ZNF521: variants seen among roughly 807,000 people sequenced by gnomAD.
ZNF521 encodes zinc finger protein 521.
Under a neutral mutation model 105.5 loss-of-function variants are expected in ZNF521, and 14 were observed. The ratio of observed to expected loss-of-function variants is 0.13; its 90% CI spans 0.09 to 0.21. The LOEUF (loss-of-function observed/expected upper bound fraction) is 0.21. Among genes scored for constraint, ZNF521 ranks in the 10% least tolerant of loss-of-function variants. The pLI is 1.00. For synonymous variants in ZNF521, 635 were observed against 606.0 expected (o/e 1.05, Z -0.70); for missense variants, 1,233 against 1,629.7 (o/e 0.76, Z 4.19).
chr18:25,254,883 A>C (rs971500258), intron 3 of ZNF521, among the ~76,000 whole-genome samples: 2 of 151,528 alleles, frequency 1.3e-5, no homozygotes, highest in Non-Finnish European at 3.0e-5. Flanking sequence ...CCTAAGAAAG[A>C]GTCTGAAAAA....
intron 5 of ZNF521, among the ~76,000 whole-genome samples, chr18:25,175,814 C>G (rs950879930): frequency 3.9e-5 from 6 of 152,200 alleles, no homozygotes; most frequent in African/African-American, 1.4e-4. Flanking sequence ...ATGGTCAATT[C>G]AGACATGCCA....
At chr18:25,193,519 G>C (rs1047292517) in intron 5 of ZNF521, among the ~76,000 whole-genome samples, 2 of 152,002 alleles carry the variant, frequency 1.3e-5, no homozygotes, top group African/African-American at 4.8e-5. Context: ...GTAGAATCAT[G>C]AATGACTGCC....
At chr18:25,181,501 C>T (rs1291077994) in intron 5 of ZNF521, among the ~76,000 whole-genome samples, 1 of 152,134 alleles carries the variant, frequency 6.6e-6, no homozygotes, top group East Asian at 1.9e-4. Context: ...CAACAAGCTG[C>T]CCCACTACAG....
chr18:25,131,831 C>T (rs1017683598), intron 5 of ZNF521, among the ~76,000 whole-genome samples: 2 of 152,130 alleles, frequency 1.3e-5, no homozygotes, highest in African/African-American at 2.4e-5. Flanking sequence ...CTTGATTATA[C>T]ACCAGAGGAT....
chr18:25,176,981 C>T (rs1381497740), intron 5 of ZNF521, among the ~76,000 whole-genome samples: 5 of 152,232 alleles, frequency 3.3e-5, no homozygotes, highest in Admixed American at 3.3e-4. Context: ...GCCCCCTTCT[C>T]CTTCTGCCTA....
At chr18:25,282,992 C>T in intron 3 of ZNF521, among the ~76,000 whole-genome samples, 1 of 152,174 alleles carries the variant, frequency 6.6e-6, no homozygotes, top group Non-Finnish European at 1.5e-5. Context: ...ATGCTTTCCT[C>T]CAATGCATTA....
chr18:25,296,277 A>G (rs764329616), intron 3 of ZNF521, among the ~76,000 whole-genome samples: 1 of 152,204 alleles, frequency 6.6e-6, no homozygotes. Context: ...TTCCTCAAAA[A>G]GAAGTTATTG....
At chr18:25,175,057 G>A (rs1383246354) in intron 5 of ZNF521, among the ~76,000 whole-genome samples, 1 of 152,178 alleles carries the variant, frequency 6.6e-6, no homozygotes, top group Non-Finnish European at 1.5e-5. Context: ...ATCACTAAGT[G>A]CAAACATGTT....
At chr18:25,200,633 C>T (rs919863370) in intron 4 of ZNF521, among the ~76,000 whole-genome samples, 2 of 151,974 alleles carry the variant, frequency 1.3e-5, no homozygotes, top group Admixed American at 6.6e-5. Context: ...ATTTTAACTG[C>T]CCTTTCATTC....
At chr18:25,130,787 T>G (rs1246787304) in intron 5 of ZNF521, among the ~76,000 whole-genome samples, 2 of 151,698 alleles carry the variant, frequency 1.3e-5, no homozygotes, top group South Asian at 2.1e-4. Flanking sequence ...TACAAAAAAT[T>G]CAATAATTAG....
chr18:25,282,668 G>A (rs1265252292), intron 3 of ZNF521, among the ~76,000 whole-genome samples: 2 of 152,094 alleles, frequency 1.3e-5, no homozygotes, highest in African/African-American at 4.8e-5. Flanking sequence ...GAAAGGACTA[G>A]TCAGAAGCCC....
Position 25,350,963 on chromosome 18 carries a change from TG to T in ZNF521, c.-1-17del. 6.5e-7 allele frequency: 1 copy of T among 1,545,686 alleles called. No individual in the cohort carries two copies. Among genetic ancestry groups the T allele is most frequent in the Non-Finnish European group, 8.7e-7 (1 of 1,144,256 alleles). On this transcript the variant is annotated splice_polypyrimidine_tract_variant and intron_variant, in intron 1 of 7. Coordinates refer to ENST00000361524, the MANE Select transcript of ZNF521 (RefSeq NM_015461.3). The stretch of plus-strand genomic sequence containing the variant: ...GCGAGACATCCTAAAAGCAAACAGC[TG>T]AAGTTGTTTCAATTCAGCCCTGAAA...
chr18:25,117,072 C>CATATATAT (rs1567968887), intron 5 of ZNF521, among the ~76,000 whole-genome samples: 4 of 15,786 alleles, frequency 2.5e-4, no homozygotes, highest in Non-Finnish European at 3.1e-4. Context: ...CACACACACA[C>CATATATAT]ACACACACAC....
chr18:25,260,696 A>G (rs1393753099), intron 3 of ZNF521, among the ~76,000 whole-genome samples: 3 of 152,182 alleles, frequency 2.0e-5, no homozygotes. Flanking sequence ...TCCTACTATT[A>G]TAATTACTCA....
intron 3 of ZNF521, among the ~76,000 whole-genome samples, chr18:25,245,252 T>C (rs1907622226): frequency 6.6e-6 from 1 of 152,230 alleles, no homozygotes; most frequent in African/African-American, 2.4e-5. Flanking sequence ...ATTCGTCCTT[T>C]TTATTAATAA....
chr18:25,113,460 C>T (rs942376260), intron 5 of ZNF521, among the ~76,000 whole-genome samples: 9 of 152,148 alleles, frequency 5.9e-5, no homozygotes, highest in African/African-American at 2.2e-4. Context: ...TAAAGAAATG[C>T]AGTTCTTTGT....
Position 25,227,689 on chromosome 18 carries a change from C to A in ZNF521, c.229G>T (p.Asp77Tyr). Reference protein sequence around the residue: ...INQCQLTDGVDVEDDPTCSWP... With the variant: ...INQCQLTDGVYVEDDPTCSWP... Reference sequence around the variant, plus strand: ...GAGCAAGTCGGATCATCTTCAACATCCACTCCATCTGCAACAAGAAGCAAT... The same window carrying A: ...GAGCAAGTCGGATCATCTTCAACATACACTCCATCTGCAACAAGAAGCAAT... Residue 77 changes from aspartate to tyrosine, a missense_variant, in exon 4 of 8, where the codon GAT becomes TAT. Asp to Tyr is a radical substitution (Grantham distance 160, BLOSUM62 -3). Around this residue, in one of 6 missense-constraint regions of ZNF521, gnomAD observed 85 missense variants for 162.2 expected, o/e 0.52. Transcript: ENST00000361524. The surrounding 1 kb of genome is among the most constrained non-coding windows in gnomAD (Gnocchi z 5.7). 1 of 1,610,014 alleles carries A rather than the reference C, an allele frequency of 6.2e-7. No homozygotes were observed. Among genetic ancestry groups the A allele is most frequent in the Non-Finnish European group, 8.5e-7 (1 of 1,177,654 alleles).
intron 3 of ZNF521, among the ~76,000 whole-genome samples, chr18:25,300,587 A>AC (rs1911583776): frequency 1.6e-5 from 2 of 128,418 alleles, no homozygotes; most frequent in Non-Finnish European, 3.0e-5. Flanking sequence ...AAGCAAACTT[A>AC]AATAAAAAAG....
chr18:25,107,320 G>A (rs1432888421), intron 5 of ZNF521, among the ~76,000 whole-genome samples: 4 of 152,270 alleles, frequency 2.6e-5, no homozygotes, highest in Admixed American at 2.0e-4. Context: ...TTGTTCCTTT[G>A]TTGAAATATC....
Sources: allele counts gnomAD v4.1 joint callset (sites outside exome capture counted in the v4.1 genomes callset), GRCh38; gene constraint gnomAD v4.1.1; regional missense constraint gnomAD v4.1.1; non-coding constraint Gnocchi (gnomAD v3.1); transcripts MANE v1.5; gene names NCBI Gene and HGNC (gene_info 2026-07-23, HGNC 2026-07-21).